The following LPIN1 variants were observed in gnomAD, a reference collection of about 807,000 sequenced individuals.
LPIN1 encodes the protein phosphatidate phosphatase LPIN1.
A neutral mutation model predicts 107.5 loss-of-function variants in LPIN1; 71 were observed. That is an observed-to-expected ratio of 0.66 (90% confidence interval 0.55 to 0.80). The LOEUF (loss-of-function observed/expected upper bound fraction) is 0.80. Among genes scored for constraint, LPIN1 ranks in the 30% least tolerant of loss-of-function variants. The pLI is 0.00. For missense variants in LPIN1, 1,043 were observed against 1,160.6 expected (o/e 0.90, Z 1.47); for synonymous variants, 445 against 452.6 (o/e 0.98, Z 0.21).
At chr2:11,808,076 A>G (rs1362387251) in intron 17 of LPIN1, among the ~76,000 whole-genome samples, 1 of 151,874 alleles carries the variant, frequency 6.6e-6, no homozygotes, top group East Asian at 1.9e-4. Context: ...CCATATTTTT[A>G]TAGCCTTTAA....
At chr2:11,783,576 G>A (rs1673939090) in intron 8 of LPIN1, among the ~76,000 whole-genome samples, 1 of 152,188 alleles carries the variant, frequency 6.6e-6, no homozygotes, top group African/African-American at 2.4e-5. Context: ...CAACATCATG[G>A]AATAAGTCCA....
chr2:11,692,229 A>AT (rs1662307544), intron 1 of LPIN1, among the ~76,000 whole-genome samples: 1 of 151,942 alleles, frequency 6.6e-6, no homozygotes, highest in South Asian at 2.1e-4. Flanking sequence ...GATTTTGAAT[A>AT]TTTTTGCTTT....
At chr2:11,766,032 A>G (rs1670822666) in intron 2 of LPIN1, among the ~76,000 whole-genome samples, 1 of 152,214 alleles carries the variant, frequency 6.6e-6, no homozygotes, top group Admixed American at 6.5e-5. Flanking sequence ...TGGAAAGCTC[A>G]AAGGCTGAGG....
At chr2:11,776,295 G>GA (rs1672674012) in intron 6 of LPIN1, 102 bp downstream of exon 6, 1 of 641,642 alleles carries the variant, frequency 1.6e-6, no homozygotes, top group African/African-American at 1.8e-5. Context: ...TACTTATGAA[G>GA]AAAATACCTG....
chr2:11,754,976 ATT>A (rs1216469676), intron 1 of LPIN1, among the ~76,000 whole-genome samples: 6 of 138,898 alleles, frequency 4.3e-5, no homozygotes, highest in Admixed American at 7.2e-5. Flanking sequence ...ATTTCTTCTA[ATT>A]TTTTTTTTTT....
chr2:11,746,881 G>A (rs1356929341), intron 1 of LPIN1, among the ~76,000 whole-genome samples: 2 of 152,146 alleles, frequency 1.3e-5, no homozygotes, highest in Admixed American at 6.5e-5. Flanking sequence ...GGCCCCGGAG[G>A]CCGGGAGGGC....
chr2:11,709,735 T>A (rs773859098), intron 1 of LPIN1, among the ~76,000 whole-genome samples: 44 of 152,368 alleles, frequency 2.9e-4, no homozygotes, highest in Non-Finnish European at 5.9e-4. Context: ...ATTTGTAAAC[T>A]GGGAGCAGCC....
chr2:11,746,616 G>A (rs1666959540), upstream of LPIN1: 12 of 985,260 alleles, frequency 1.2e-5, no homozygotes, highest in South Asian at 4.7e-5. Flanking sequence ...TGCGCTGACA[G>A]CCGGCGGCGG....
chr2:11,752,432 C>CTTTTTTTTT (rs1354955148), intron 1 of LPIN1, among the ~76,000 whole-genome samples: 853 of 82,482 alleles, frequency 0.01, 47 homozygotes, highest in African/African-American at 0.064. Context: ...GTTCCAAGGC[C>CTTTTTTTTT]ATTTTTTTTT....
At chr2:11,740,350 G>A (rs2148556855) in intron 1 of LPIN1, among the ~76,000 whole-genome samples, 1 of 152,254 alleles carries the variant, frequency 6.6e-6, no homozygotes, top group East Asian at 1.9e-4. Context: ...AGACAATGCT[G>A]TACCAGCTAT....
chr2:11,757,888 A>C (rs1466084146), intron 1 of LPIN1, among the ~76,000 whole-genome samples: 1 of 152,204 alleles, frequency 6.6e-6, no homozygotes, highest in East Asian at 1.9e-4. Context: ...TCAGTGGCAA[A>C]ATGGAAACCC....
upstream of LPIN1, among the ~76,000 whole-genome samples, chr2:11,743,934 C>A (rs1263591843): frequency 1.3e-5 from 2 of 152,206 alleles, no homozygotes; most frequent in Non-Finnish European, 2.9e-5. The surrounding 1 kb of genome is among the most constrained non-coding windows in gnomAD (Gnocchi z 4.7). Context: ...GTGAACAGAT[C>A]CTTCTGGGAA....
At chr2:11,785,229 G>C (rs1674344672) in intron 10 of LPIN1, among the ~76,000 whole-genome samples, 153 bp downstream of exon 10, 1 of 152,264 alleles carries the variant, frequency 6.6e-6, no homozygotes, top group South Asian at 2.1e-4. Flanking sequence ...TAATCCCGAT[G>C]TTTCTGGCTT....
chr2:11,788,997 G>A (rs145899498), intron 12 of LPIN1, among the ~76,000 whole-genome samples: 5 of 152,330 alleles, frequency 3.3e-5, no homozygotes, highest in Middle Eastern at 3.4e-3. Flanking sequence ...GGGCAGCCAC[G>A]CCACCTGCCA....
chr2:11,802,178 T>G (rs1253038245), intron 14 of LPIN1, among the ~76,000 whole-genome samples: 1 of 152,178 alleles, frequency 6.6e-6, no homozygotes, highest in East Asian at 1.9e-4. Context: ...GGGTTGGGGA[T>G]TATGTCATAG....
chr2:11,784,730 C>G lies in LPIN1; in HGVS notation c.1359-156C>G, dbSNP rs555231305. 67 of 761,386 alleles carry G rather than the reference C, an allele frequency of 8.8e-5. No homozygotes were observed. In the South Asian group the frequency reaches 9.5e-4, roughly 11 times the overall value. The allele number at this position is 761,386 out of a possible 1,614,324, so 47.2% of individuals were successfully genotyped here. ...TCCTAAGCTAAGGCGTTTAATGTCTCTTTCCTTGTCGTGGTGCTTTAATAA... is the reference window on the plus strand; with the variant it reads ...TCCTAAGCTAAGGCGTTTAATGTCTGTTTCCTTGTCGTGGTGCTTTAATAA... On this transcript the variant is annotated intron_variant, in intron 9 of 20. Coordinates refer to ENST00000674199, the MANE Select transcript of LPIN1 (RefSeq NM_001349206.2).
intron 14 of LPIN1, among the ~76,000 whole-genome samples, chr2:11,801,494 G>A (rs886475383): frequency 6.6e-6 from 1 of 152,204 alleles, no homozygotes; most frequent in African/African-American, 2.4e-5. Context: ...AGTGAAATAA[G>A]CCAGGCACAG....
At chr2:11,769,142 C>T (rs1180617088) in intron 3 of LPIN1, among the ~76,000 whole-genome samples, 1 of 152,224 alleles carries the variant, frequency 6.6e-6, no homozygotes, top group Non-Finnish European at 1.5e-5. Context: ...TGAGGAACTG[C>T]CAGACTGTGT....
intron 1 of LPIN1, among the ~76,000 whole-genome samples, chr2:11,733,015 A>G (rs1488066892): frequency 6.6e-6 from 1 of 151,818 alleles, no homozygotes; most frequent in African/African-American, 2.4e-5. Flanking sequence ...GTCATGGGGG[A>G]AAAGACTGGA....
Sources: gnomAD v4.1 joint callset for allele counts (sites outside exome capture counted in the v4.1 genomes callset) on GRCh38, gnomAD v4.1.1 for gene constraint, Gnocchi (gnomAD v3.1) non-coding constraint, MANE v1.5 for transcripts, NCBI Gene and HGNC (gene_info 2026-07-23, HGNC 2026-07-21) for gene names.